SLC19A1: variants seen among roughly 807,000 people sequenced by gnomAD.
SLC19A1 encodes reduced folate transporter.
A neutral mutation model predicts 35.3 loss-of-function variants in SLC19A1; 37 were observed. The observed-to-expected ratio is 1.05, with a 90% CI of 0.81 to 1.38. The LOEUF (loss-of-function observed/expected upper bound fraction) is 1.38, where lower values mean the gene tolerates loss of function less well. Among genes scored for constraint, SLC19A1 ranks in the 40% most tolerant of loss-of-function variants. The pLI, the probability that SLC19A1 is intolerant of heterozygous loss-of-function variation, is 0.00. For missense variants in SLC19A1, 831 were observed against 826.9 expected (o/e 1.00, Z -0.06); for synonymous variants, 460 against 398.5 (o/e 1.15, Z -1.84).
In SLC19A1 at chr21:45,505,116, T is replaced by C; in HGVS notation, c.498-6504A>G. ...GGGCACGAGGTAACCAGGAAGCGTC[T>C]CTTGTCGCCGTCCGTAGGGTCCCAA... On this transcript the variant is annotated intron_variant, in intron 3 of 4. Coordinates refer to the SLC19A1 transcript ENST00000417954. 3.1e-6 allele frequency: 5 copies of C among 1,605,872 alleles called. No homozygotes were observed. Among genetic ancestry groups the C allele is most frequent in the Non-Finnish European group, 4.2e-6 (5 of 1,178,200 alleles).
chr21:45,507,104 A>ACTGGGAGGGCTGGGTGCTGGG (rs2037254142), intron 3 of SLC19A1: 1 of 270,792 alleles, frequency 3.7e-6, no homozygotes, highest in Non-Finnish European at 7.2e-6. Context: ...CCTGCCGTGG[A>ACTGGGAGGGCTGGGTGCTGGG]CTGGGAGGGC....
chr21:45,511,267 G>T, downstream of SLC19A1: 1 of 1,153,822 alleles, frequency 8.7e-7, no homozygotes, highest in Non-Finnish European at 1.3e-6. Flanking sequence ...GAGAGCCCCA[G>T]CCAGGGAAGG....
At chr21:45,528,652 G>C (rs752692354) in intron 4 of SLC19A1, among the ~76,000 whole-genome samples, 1 of 152,202 alleles carries the variant, frequency 6.6e-6, no homozygotes, top group Non-Finnish European at 1.5e-5. Flanking sequence ...ATCCACCTGA[G>C]GGTCATTATT....
chr21:45,504,488 G>C (rs775944368), intron 3 of SLC19A1: 6 of 1,590,494 alleles, frequency 3.8e-6, no homozygotes, highest in Non-Finnish European at 5.1e-6. Flanking sequence ...CGGTTTCTTC[G>C]GCTCCAGCCT....
downstream of SLC19A1, among the ~76,000 whole-genome samples, chr21:45,508,091 A>AGTGG (rs2037333289): frequency 8.3e-6 from 1 of 119,884 alleles, no homozygotes; most frequent in African/African-American, 3.2e-5. Context: ...CAGGTGGGTG[A>AGTGG]GTGGATGGAT....
At position 45,515,451 on chromosome 21, in the gene SLC19A1, A is replaced by C; in HGVS notation, c.*207T>G. 6.8e-7 allele frequency: 1 copy of C among 1,475,944 alleles called. No homozygotes were observed. Among genetic ancestry groups the C allele is most frequent in the Admixed American group, 2.6e-5 (1 of 38,272 alleles). The allele number at this position is 1,475,944 out of a possible 1,614,324, so 91.4% of individuals were successfully genotyped here. A position where few individuals can be genotyped will look rare whatever the true frequency, so the allele number is the denominator to read the frequency against. Reference sequence around the variant, plus strand: ...CAACAAAGCCCGCGGGGCACAGTGCAGGGACAGCATGGCCAGGCAGCTGCC... The same window carrying C: ...CAACAAAGCCCGCGGGGCACAGTGCCGGGACAGCATGGCCAGGCAGCTGCC... On this transcript the variant is annotated 3_prime_UTR_variant, in exon 6 of 6. Transcript: ENST00000311124.
rs1271388988 is a variant in SLC19A1 at position 45,515,791 on chromosome 21, A to G, written c.1643T>C (p.Leu548Pro). 1.2e-6 allele frequency: 2 copies of G among 1,613,358 alleles called. No individual in the cohort carries two copies. Among genetic ancestry groups the G allele is most frequent in the Admixed American group, 1.7e-5 (1 of 59,976 alleles). ...AGGGCCTGAGGCTTGGGCGGAGCACAGAGTGCAGGGGGAAGGGGTTGTCAC... is the reference window on the plus strand; with the variant it reads ...AGGGCCTGAGGCTTGGGCGGAGCACGGAGTGCAGGGGGAAGGGGTTGTCAC... Reference protein sequence around the residue: ...SPVTTPSPCTLCSAQASGPEA... With the variant: ...SPVTTPSPCTPCSAQASGPEA... Residue 548 changes from leucine to proline, a missense_variant, in exon 6 of 6, where the codon CTG becomes CCG. Transcript: ENST00000311124.
chr21:45,510,973 ACACCCC>A, downstream of SLC19A1: 10 of 14,912 alleles, frequency 6.7e-4, no homozygotes, highest in Middle Eastern at 0.031. Flanking sequence ...ACACCCCCAA[ACACCCC>A]CCACACCCCA....
downstream of SLC19A1, chr21:45,509,608 GCCC>G (rs3835286): frequency 2.1e-6 from 3 of 1,413,626 alleles, no homozygotes; most frequent in Non-Finnish European, 2.9e-6. Context: ...GGTGGTGAGT[GCCC>G]CCCCAAAGTG....
chr21:45,549,417 T>C (rs2078443304), intron 1 of SLC19A1, among the ~76,000 whole-genome samples: 1 of 151,820 alleles, frequency 6.6e-6, no homozygotes. Context: ...TAACAACTGC[T>C]TCTAATGGGT....
intron 1 of SLC19A1, among the ~76,000 whole-genome samples, chr21:45,557,007 C>T (rs999861599): frequency 2.6e-5 from 4 of 152,164 alleles, no homozygotes; most frequent in Admixed American, 6.5e-5. Flanking sequence ...CTGGCTACTC[C>T]GAGAGGCCTC....
Position 45,514,896 on chromosome 21 carries a change from C to G in SLC19A1, c.*762G>C. 1 of 1,165,890 alleles carries G rather than the reference C, an allele frequency of 8.6e-7. No homozygotes were observed. Among genetic ancestry groups the G allele is most frequent in the Non-Finnish European group, 1.2e-6 (1 of 862,432 alleles). The allele number at this position is 1,165,890 out of a possible 1,614,324, so 72.2% of individuals were successfully genotyped here. On this transcript the variant is annotated 3_prime_UTR_variant, in exon 6 of 6. Coordinates refer to ENST00000311124, the MANE Select transcript of SLC19A1 (RefSeq NM_194255.4). ...CAGCCCAGGCAAGCCTGGCACATACCAAGGCCAGCACGTCCGCGGTGACCG... is the reference window on the plus strand; with the variant it reads ...CAGCCCAGGCAAGCCTGGCACATACGAAGGCCAGCACGTCCGCGGTGACCG...
chr21:45,552,135 C>T (rs1169381569), intron 1 of SLC19A1, among the ~76,000 whole-genome samples: 2 of 152,176 alleles, frequency 1.3e-5, no homozygotes, highest in African/African-American at 2.4e-5. Context: ...TGGGGACTGA[C>T]GGCCTCCTCA....
downstream of SLC19A1, chr21:45,509,266 C>T (rs988229616): frequency 8.6e-6 from 13 of 1,508,678 alleles, no homozygotes; most frequent in African/African-American, 4.2e-5. Flanking sequence ...AGAGCCCAGC[C>T]CCTCTCACCC....
downstream of SLC19A1, chr21:45,509,945 C>T (rs531519449): frequency 2.6e-4 from 312 of 1,208,710 alleles, 3 homozygotes; most frequent in South Asian, 4.1e-3. Flanking sequence ...GCGCGCCTCC[C>T]GCTCAGCGCC....
chr21:45,518,663 C>T (rs2038084802), intron 5 of SLC19A1, among the ~76,000 whole-genome samples: 1 of 152,040 alleles, frequency 6.6e-6, no homozygotes, highest in African/African-American at 2.4e-5. Flanking sequence ...ACAGTAATTG[C>T]TCATCAAAAA....
At position 45,525,960 on chromosome 21, in the gene SLC19A1, TGAACGGGAA is replaced by T; in HGVS notation, c.1152-11_1152-3del. The T allele has an allele frequency of 1.9e-6, 3 of 1,612,848 alleles. No homozygotes were observed. Among genetic ancestry groups the T allele is most frequent in the Non-Finnish European group, 2.5e-6 (3 of 1,179,700 alleles). On this transcript the variant is annotated splice_region_variant and splice_polypyrimidine_tract_variant and intron_variant, in intron 4 of 5. Transcript: ENST00000311124. ...GACAGAGAAGATGCAATCTGAAAGC[TGAACGGGAA>T]GAGCGGGCAGATCAGGCGCTGCTGG...
chr21:45,531,540 C>A lies in SLC19A1; in HGVS notation c.798G>T (p.Gln266His), dbSNP rs773458721. ...CCCACCAGAGGGACCACAGGCGCAG[C>A]TGCGGCCGCCGCAGGCTGTCCCCCA... is the stretch of plus-strand genomic sequence containing the variant. ...RELGDSLRRP[Q>H]LRLWSLWWVF... The change falls in exon 3 of 6, where the codon CAG becomes CAT. Residue 266 changes from glutamine to histidine, a missense_variant. Physicochemically the swap from Gln to His is conservative, Grantham distance 24. Transcript: ENST00000311124. 2.5e-6 allele frequency: 4 copies of A among 1,612,190 alleles called. No individual in the cohort carries two copies. The highest frequency in any genetic ancestry group is 3.4e-6 in the Non-Finnish European group (4 of 1,179,574).
chr21:45,558,491 C>T (rs2078585080), intron 1 of SLC19A1, among the ~76,000 whole-genome samples: 1 of 152,234 alleles, frequency 6.6e-6, no homozygotes, highest in Non-Finnish European at 1.5e-5. Flanking sequence ...GGGATCTTCC[C>T]AGGGATGCAG....
Sources: allele counts gnomAD v4.1 joint callset (sites outside exome capture counted in the v4.1 genomes callset), GRCh38; gene constraint gnomAD v4.1.1; transcripts MANE v1.5; gene names NCBI Gene and HGNC (gene_info 2026-07-23, HGNC 2026-07-21).